The following RAG1 variants were observed in gnomAD, a reference collection of about 807,000 sequenced individuals.
RAG1 encodes the protein recombination activating 1.
A neutral mutation model predicts 62.7 loss-of-function variants in RAG1; 35 were observed. The ratio of observed to expected loss-of-function variants is 0.56; its 90% CI spans 0.43 to 0.74. The LOEUF (loss-of-function observed/expected upper bound fraction) is 0.74, where lower values mean the gene tolerates loss of function less well. Ranked by LOEUF, RAG1 falls within the 30% of genes least tolerant of loss-of-function variation. The pLI, the probability that RAG1 is intolerant of heterozygous loss-of-function variation, is 0.00. For synonymous variants in RAG1, 461 were observed against 470.3 expected (o/e 0.98, Z 0.26); for missense variants, 1,169 against 1,278.6 (o/e 0.91, Z 1.31).
intron 1 of RAG1, among the ~76,000 whole-genome samples, chr11:36,571,790 G>A (rs567970079): frequency 1.3e-5 from 2 of 151,946 alleles, no homozygotes; most frequent in African/African-American, 4.8e-5. Context: ...AAATTTTTTT[G>A]TATTTTTGGT....
At chr11:36,549,598 T>C (rs1020058350) in intron 3 of RAG1, among the ~76,000 whole-genome samples, 7 of 152,194 alleles carry the variant, frequency 4.6e-5, no homozygotes, top group African/African-American at 1.7e-4. Flanking sequence ...TGGCGATCAT[T>C]AAAACGTCAG....
intron 2 of RAG1, among the ~76,000 whole-genome samples, chr11:36,527,824 C>T (rs540435316): frequency 6.6e-6 from 1 of 152,042 alleles, no homozygotes; most frequent in Admixed American, 6.6e-5. Flanking sequence ...ATTTTATTCT[C>T]TTTGTGGCAA....
chr11:36,561,121 G>A (rs1472103490), intron 3 of RAG1, among the ~76,000 whole-genome samples: 3 of 152,222 alleles, frequency 2.0e-5, no homozygotes, highest in African/African-American at 4.8e-5. Flanking sequence ...CTGGAAGCTG[G>A]AGGTTGAGGG....
At chr11:36,569,003 C>A (rs1340451876) in intron 1 of RAG1, among the ~76,000 whole-genome samples, 1 of 152,106 alleles carries the variant, frequency 6.6e-6, no homozygotes, top group African/African-American at 2.4e-5. Flanking sequence ...AGAGGTCACA[C>A]TTGAGCACAC....
chr11:36,573,686 C>T lies in RAG1; in HGVS notation c.382C>T (p.Pro128Ser), dbSNP rs886048252. The change falls in exon 2 of 2, where the codon CCA becomes TCA. Residue 128 changes from proline to serine, a missense_variant. Pro to Ser is a moderately conservative substitution (Grantham distance 74, BLOSUM62 -1). Around this residue, in one of 2 missense-constraint regions of RAG1, gnomAD observed 369 missense variants for 335.3 expected, o/e 1.10. Coordinates refer to ENST00000299440, the MANE Select transcript of RAG1 (RefSeq NM_000448.3). The part of the protein sequence containing the change: ...FRADEHNRRY[P>S]VHGPVDGKTL... Reference sequence around the variant, plus strand: ...AGCTGATGAGCACAACAGGAGATATCCAGTCCATGGTCCTGTGGATGGTAA... The same window carrying T: ...AGCTGATGAGCACAACAGGAGATATTCAGTCCATGGTCCTGTGGATGGTAA... 3 of 1,614,076 alleles carry T rather than the reference C, an allele frequency of 1.9e-6. No individual in the cohort carries two copies. Among genetic ancestry groups the T allele is most frequent in the Non-Finnish European group, 2.5e-6 (3 of 1,180,026 alleles).
At chr11:36,511,472 CAAAT>C (rs869216674) in intron 1 of RAG1, among the ~76,000 whole-genome samples, 158 of 152,206 alleles carry the variant, frequency 1.0e-3, no homozygotes, top group African/African-American at 3.0e-3. Flanking sequence ...AACGAACAAA[CAAAT>C]AAACCCAAAA....
Position 36,571,461 on chromosome 11 carries a change from T to C in RAG1, c.-14-1830T>C, listed in dbSNP as rs4151012. Among the ~76,000 whole-genome samples, 119 of 152,266 alleles carry C rather than the reference T, an allele frequency of 7.8e-4. No homozygotes were observed. The East Asian group carries it at 0.018, about 23-fold the overall frequency. The stretch of plus-strand genomic sequence containing the variant: ...ACTATAAGCAATTTTGAGGTGTTCG[T>C]TGGGCTGCAGTTGAAATATTTTTTG... On this transcript the variant is annotated intron_variant, in intron 1 of 1. Transcript: ENST00000299440.
chr11:36,525,643 C>CT (rs1468624274), intron 2 of RAG1, among the ~76,000 whole-genome samples: 1 of 151,866 alleles, frequency 6.6e-6, no homozygotes. Flanking sequence ...TATAGCTAAG[C>CT]TTTTTTTGAG....
At chr11:36,570,182 G>A (rs1201579782) in intron 1 of RAG1, among the ~76,000 whole-genome samples, 3 of 152,048 alleles carry the variant, frequency 2.0e-5, no homozygotes, top group Non-Finnish European at 4.4e-5. Context: ...TTCCCAAAAG[G>A]AGATTTATTG....
intron 1 of RAG1, among the ~76,000 whole-genome samples, chr11:36,514,116 C>T (rs1457267167): frequency 6.6e-6 from 1 of 152,162 alleles, no homozygotes; most frequent in Non-Finnish European, 1.5e-5. Context: ...GCAACTGAGC[C>T]CTCTTGCCAA....
At chr11:36,546,937 A>G (rs1850402758) in intron 3 of RAG1, among the ~76,000 whole-genome samples, 1 of 151,986 alleles carries the variant, frequency 6.6e-6, no homozygotes, top group Non-Finnish European at 1.5e-5. Context: ...TCTTAGTCTG[A>G]TGGCCTTCCC....
rs991089005 is a variant in RAG1 at position 36,575,071 on chromosome 11, C to T, written c.1767C>T (p.Tyr589=). The T allele has an allele frequency of 1.2e-6, 2 of 1,613,998 alleles. No individual in the cohort carries two copies. Among genetic ancestry groups the T allele is most frequent in the African/African-American group, 2.7e-5 (2 of 74,890 alleles). ...TGAGATCCCAAGACCTTGATGATTA[C>T]CTGAATGGCCCCTTCACTGTGGTGG... ...EGMRSQDLDD[Y]LNGPFTVVVK... The change falls in exon 2 of 2, where the codon TAC becomes TAT. Residue 589 remains tyrosine (Y), a synonymous_variant. Coordinates refer to ENST00000299440, the MANE Select transcript of RAG1 (RefSeq NM_000448.3). This position sits in a 1 kb window ranked among gnomAD's most constrained non-coding sequence, Gnocchi z 4.1.
At chr11:36,534,304 G>A (rs756398878) in intron 2 of RAG1, among the ~76,000 whole-genome samples, 8 of 152,104 alleles carry the variant, frequency 5.3e-5, no homozygotes, top group South Asian at 2.1e-4. Context: ...TGAAAAGTAC[G>A]CTCTAGTGGA....
intron 3 of RAG1, among the ~76,000 whole-genome samples, chr11:36,557,329 G>A (rs1382069246): frequency 9.8e-6 from 1 of 101,870 alleles, no homozygotes. Flanking sequence ...CGTTTCTTAA[G>A]CCGGTCTGAA....
chr11:36,570,230 G>T (rs189475567), intron 1 of RAG1, among the ~76,000 whole-genome samples: 2 of 152,208 alleles, frequency 1.3e-5, no homozygotes, highest in East Asian at 3.9e-4. Context: ...TAAAGATATT[G>T]CTAAATTGTC....
chr11:36,573,624 T>A lies in RAG1; in HGVS notation c.320T>A (p.Leu107His), dbSNP rs751240103. The change falls in exon 2 of 2, where the codon CTT becomes CAT. Residue 107 changes from leucine to histidine, a missense_variant. This residue lies in a region of RAG1 where 369 missense variants were observed against 335.3 expected (regional missense o/e 1.10). Coordinates refer to ENST00000299440, the MANE Select transcript of RAG1 (RefSeq NM_000448.3). Reference protein sequence around the residue: ...ARGKAIHQANLRHLCRICGNS... With the variant: ...ARGKAIHQANHRHLCRICGNS... ...GGCAAAGCGATCCATCAAGCCAACC[T>A]TCGACATCTCTGCCGCATCTGTGGG... 1 of 1,614,038 alleles carries A rather than the reference T, an allele frequency of 6.2e-7. No homozygotes were observed. The highest frequency in any genetic ancestry group is 8.5e-7 in the Non-Finnish European group (1 of 1,180,038).
At chr11:36,528,395 TG>T (rs34947343) in intron 2 of RAG1, among the ~76,000 whole-genome samples, 3 of 152,142 alleles carry the variant, frequency 2.0e-5, no homozygotes, top group Non-Finnish European at 4.4e-5. Context: ...GAATGACTAC[TG>T]GGTACGTAAC....
intron 3 of RAG1, among the ~76,000 whole-genome samples, chr11:36,557,870 C>A (rs146331248): frequency 0.013 from 1,945 of 152,232 alleles, 23 homozygotes; most frequent in East Asian, 0.035. Flanking sequence ...TGTGTCTGTT[C>A]TGATCTGTTA....
At chr11:36,572,375 T>G (rs1850761671) in intron 1 of RAG1, among the ~76,000 whole-genome samples, 1 of 152,246 alleles carries the variant, frequency 6.6e-6, no homozygotes, top group African/African-American at 2.4e-5. Flanking sequence ...ATCAGTCGGG[T>G]TTCCTGGCAT....
Sources: allele counts gnomAD v4.1 joint callset (sites outside exome capture counted in the v4.1 genomes callset), GRCh38; gene constraint gnomAD v4.1.1; regional missense constraint gnomAD v4.1.1; non-coding constraint Gnocchi (gnomAD v3.1); transcripts MANE v1.5; gene names NCBI Gene and HGNC (gene_info 2026-07-23, HGNC 2026-07-21).